The following IL23R variants were observed in gnomAD, a reference collection of about 807,000 sequenced individuals.
IL23R encodes the protein interleukin 23 receptor.
IL23R carries 34 observed loss-of-function variants against 56.9 expected under a neutral mutation model. That is an observed-to-expected ratio of 0.60 (90% CI 0.45 to 0.80). The LOEUF is 0.80. Ranked by LOEUF, IL23R falls within the 30% of genes least tolerant of loss-of-function variation. IL23R has a pLI of 0.00. For synonymous variants in IL23R, 230 were observed against 249.2 expected (o/e 0.92, Z 0.73); for missense variants, 635 against 730.0 (o/e 0.87, Z 1.50).
At chr1:67,249,269 A>C (rs757942875) in intron 9 of IL23R, among the ~76,000 whole-genome samples, 2 of 152,220 alleles carry the variant, frequency 1.3e-5, no homozygotes, top group Non-Finnish European at 2.9e-5. Flanking sequence ...ATTCTTACCG[A>C]GTCTAAATGA....
intron 1 of IL23R, among the ~76,000 whole-genome samples, chr1:67,151,764 T>C (rs1646730393): frequency 6.6e-6 from 1 of 152,202 alleles, no homozygotes; most frequent in Non-Finnish European, 1.5e-5. Flanking sequence ...TGGTTGTAGA[T>C]ATGTGGTGTT....
intron 4 of IL23R, among the ~76,000 whole-genome samples, chr1:67,191,125 C>T (rs775895894): frequency 2.6e-5 from 4 of 152,096 alleles, no homozygotes; most frequent in East Asian, 1.9e-4. Context: ...CAACTGGGCC[C>T]GGAGAGCCAC....
chr1:67,219,214 A>G (rs1437217979), intron 6 of IL23R, among the ~76,000 whole-genome samples: 1 of 152,056 alleles, frequency 6.6e-6, no homozygotes, highest in Non-Finnish European at 1.5e-5. Flanking sequence ...TAAAAATACA[A>G]AAAAGTAGCC....
chr1:67,231,745 T>G (rs185661440), intron 7 of IL23R: 6 of 152,218 alleles, frequency 3.9e-5, no homozygotes, highest in African/African-American at 1.2e-4. Context: ...TAAGGCTGGG[T>G]GTGGTGGCTC....
At chr1:67,149,007 T>C (rs1646706034) in intron 1 of IL23R, among the ~76,000 whole-genome samples, 1 of 152,176 alleles carries the variant, frequency 6.6e-6, no homozygotes, top group African/African-American at 2.4e-5. Flanking sequence ...AAATGAATGA[T>C]AGTGGTGTTA....
chr1:67,246,925 C>T (rs992146966), intron 9 of IL23R, among the ~76,000 whole-genome samples: 3 of 152,092 alleles, frequency 2.0e-5, no homozygotes, highest in Admixed American at 6.6e-5. Context: ...TAAAGTCTCC[C>T]ACTATTATTG....
intron 3 of IL23R, among the ~76,000 whole-genome samples, chr1:67,169,971 AACGAAC>A (rs1256126039): frequency 6.6e-6 from 1 of 152,248 alleles, no homozygotes; most frequent in Admixed American, 6.5e-5. Flanking sequence ...CTCTACCCTG[AACGAAC>A]ACTGCATATG....
At chr1:67,241,449 G>A (rs891074051) in intron 9 of IL23R, among the ~76,000 whole-genome samples, 7 of 152,110 alleles carry the variant, frequency 4.6e-5, no homozygotes, top group Non-Finnish European at 8.8e-5. Context: ...TCTAGTGCAT[G>A]AGCTCAGTCC....
intron 8 of IL23R, 50 bp downstream of exon 8, chr1:67,236,852 A>G (rs1651507453): frequency 8.6e-7 from 1 of 1,167,168 alleles, no homozygotes; most frequent in South Asian, 1.2e-5. Flanking sequence ...GTAATTGCCC[A>G]TTTTAACCCA....
chr1:67,169,055 C>T (rs953811137), intron 2 of IL23R, among the ~76,000 whole-genome samples: 19 of 146,942 alleles, frequency 1.3e-4, no homozygotes, highest in Admixed American at 1.2e-3. Flanking sequence ...GCAGGAGAAT[C>T]GCTTGAACCT....
intron 6 of IL23R, among the ~76,000 whole-genome samples, chr1:67,209,365 C>T (rs1486728125): frequency 1.3e-4 from 20 of 152,112 alleles, no homozygotes; most frequent in Admixed American, 1.2e-3. Flanking sequence ...GCTGTGCCCC[C>T]ATCAAATCTC....
chr1:67,236,315 G>T (rs1050171043), intron 7 of IL23R, among the ~76,000 whole-genome samples: 4 of 152,188 alleles, frequency 2.6e-5, no homozygotes, highest in African/African-American at 9.6e-5. Context: ...CACATCTTGG[G>T]GACCCTCAAG....
At chr1:67,235,982 C>T (rs552136874) in intron 7 of IL23R, among the ~76,000 whole-genome samples, 2 of 152,284 alleles carry the variant, frequency 1.3e-5, no homozygotes, top group African/African-American at 4.8e-5. Context: ...AGAATTGTGT[C>T]CTTGAAGTCA....
chr1:67,236,678 T>C (rs748105976), intron 7 of IL23R, 35 bp from the exon 8 acceptor site: 2 of 1,428,514 alleles, frequency 1.4e-6, no homozygotes, highest in Non-Finnish European at 2.0e-6. Context: ...GAGTGCAAAA[T>C]GTAAGAAACT....
intron 5 of IL23R, among the ~76,000 whole-genome samples, chr1:67,206,085 T>A (rs1309562364): frequency 6.6e-6 from 1 of 151,828 alleles, no homozygotes; most frequent in Non-Finnish European, 1.5e-5. Context: ...TGATCTCAGC[T>A]CACTGTAACC....
At chr1:67,220,491 A>C (rs994345407) in intron 7 of IL23R, among the ~76,000 whole-genome samples, 1 of 152,222 alleles carries the variant, frequency 6.6e-6, no homozygotes, top group African/African-American at 2.4e-5. Flanking sequence ...GCAGATGATA[A>C]CATTTAAATT....
intron 1 of IL23R, among the ~76,000 whole-genome samples, chr1:67,167,233 G>A (rs1646884226): frequency 2.0e-5 from 3 of 152,102 alleles, no homozygotes. Flanking sequence ...ACCACACTGG[G>A]CTAATTTTTG....
At chr1:67,212,721 T>A (rs916006097) in intron 6 of IL23R, among the ~76,000 whole-genome samples, 2 of 151,914 alleles carry the variant, frequency 1.3e-5, no homozygotes, top group Admixed American at 1.3e-4. Flanking sequence ...ATTTTAAAAA[T>A]TTTTCTGTAG....
upstream of IL23R, among the ~76,000 whole-genome samples, chr1:67,161,691 G>A (rs978556571): frequency 6.6e-6 from 1 of 151,786 alleles, no homozygotes; most frequent in Non-Finnish European, 1.5e-5. Context: ...GCTGTGGCGC[G>A]ATCTCGGCTC....
Sources: gnomAD v4.1 joint callset for allele counts (sites outside exome capture counted in the v4.1 genomes callset) on GRCh38, gnomAD v4.1.1 for gene constraint, MANE v1.5 for transcripts, NCBI Gene and HGNC (gene_info 2026-07-23, HGNC 2026-07-21) for gene names.